WDR17: variants seen among roughly 807,000 people sequenced by gnomAD.
The protein encoded by WDR17 is WD repeat domain 17, also known as WD repeat-containing protein 17.
A neutral mutation model predicts 161.7 loss-of-function variants in WDR17; 143 were observed. That is an observed-to-expected ratio of 0.88 (90% CI 0.77 to 1.02). The LOEUF (loss-of-function observed/expected upper bound fraction) is 1.02, where lower values mean the gene tolerates loss of function less well. WDR17 is among the 50% of genes least tolerant of loss of function. WDR17 has a pLI of 0.00. For synonymous variants in WDR17, 517 were observed against 515.6 expected, an observed-to-expected ratio of 1.00 and a Z score of -0.04; for missense variants, 1,469 against 1,520.9, an observed-to-expected ratio of 0.97 and a Z score of 0.57.
At chr4:176,077,732 G>T (rs1734234645) in intron 1 of WDR17, among the ~76,000 whole-genome samples, 1 of 149,270 alleles carries the variant, frequency 6.7e-6, no homozygotes, top group Non-Finnish European at 1.5e-5. Flanking sequence ...ACTAGCTTCA[G>T]TGTTAAATTG....
At chr4:176,165,206 A>G (rs1749600493) in intron 22 of WDR17, among the ~76,000 whole-genome samples, 1 of 151,662 alleles carries the variant, frequency 6.6e-6, no homozygotes, top group Non-Finnish European at 1.5e-5. Context: ...ATACAAAAAT[A>G]AAAAATAAAA....
intron 1 of WDR17, among the ~76,000 whole-genome samples, chr4:176,079,854 G>A (rs1734516697): frequency 6.6e-6 from 1 of 152,008 alleles, no homozygotes; most frequent in Non-Finnish European, 1.5e-5. Flanking sequence ...GGGGGGGTGA[G>A]CATGCTAACA....
chr4:176,135,395 T>G, intron 8 of WDR17, 119 bp downstream of exon 8: 1 of 1,137,296 alleles, frequency 8.8e-7, no homozygotes, highest in Non-Finnish European at 1.3e-6. Context: ...GTAGAGCAAA[T>G]TAGTGTGAAC....
At chr4:176,143,571 C>T (rs977618045) in intron 11 of WDR17, among the ~76,000 whole-genome samples, 3 of 151,896 alleles carry the variant, frequency 2.0e-5, no homozygotes, top group East Asian at 1.9e-4. Flanking sequence ...CACAGCTCCT[C>T]GGGAGGCTGA....
intron 1 of WDR17, among the ~76,000 whole-genome samples, chr4:176,103,409 A>G (rs2126667108): frequency 6.6e-6 from 1 of 152,234 alleles, no homozygotes; most frequent in African/African-American, 2.4e-5. Flanking sequence ...AGGCCTAAAA[A>G]GAAACAGAAA....
At position 176,141,969 on chromosome 4, in the gene WDR17, A is replaced by G. The variant is rs377363075; in HGVS notation, c.1443-14A>G. ...AGTATTGTTTTTCTATTAACATATT[A>G]TAATTAATTCTAGTATTATTCGAAC... On this transcript the variant is annotated splice_polypyrimidine_tract_variant and intron_variant, in intron 10 of 28. Coordinates refer to ENST00000508596, the MANE Select transcript of WDR17 (RefSeq NM_181265.4). The G allele has an allele frequency of 1.9e-6, 3 of 1,541,986 alleles. No homozygotes were observed. The highest frequency in any genetic ancestry group is 1.4e-5 in the African/African-American group (1 of 72,814).
intron 21 of WDR17, among the ~76,000 whole-genome samples, chr4:176,162,571 A>G (rs979737551): frequency 6.6e-6 from 1 of 152,194 alleles, no homozygotes; most frequent in Admixed American, 6.5e-5. Flanking sequence ...CTTCAATTCT[A>G]AAATGAAAAT....
At chr4:176,083,789 C>A (rs963480366) in intron 1 of WDR17, among the ~76,000 whole-genome samples, 2 of 152,084 alleles carry the variant, frequency 1.3e-5, no homozygotes, top group African/African-American at 4.8e-5. Context: ...AGTTTACGTT[C>A]CCCTGAGCAG....
intron 7 of WDR17, 54 bp downstream of exon 7, chr4:176,131,792 T>C (rs1191489306): frequency 2.7e-5 from 35 of 1,294,068 alleles, no homozygotes; most frequent in Non-Finnish European, 3.4e-5. Context: ...TGTAAACCCA[T>C]GATCTTTACT....
intron 18 of WDR17, among the ~76,000 whole-genome samples, chr4:176,159,169 G>C (rs966598536): frequency 3.3e-5 from 5 of 151,968 alleles, no homozygotes; most frequent in Admixed American, 3.3e-4. Context: ...AATAGACCAG[G>C]TTATTTTTAA....
At chr4:176,155,781 T>G (rs1463128101) in intron 17 of WDR17, among the ~76,000 whole-genome samples, 1 of 149,394 alleles carries the variant, frequency 6.7e-6, no homozygotes, top group African/African-American at 2.5e-5. Context: ...CAGGCTAGTC[T>G]CAAACTCCTA....
At chr4:176,069,233 A>G (rs1221375871) in intron 1 of WDR17, among the ~76,000 whole-genome samples, 3 of 151,882 alleles carry the variant, frequency 2.0e-5, no homozygotes, top group African/African-American at 4.8e-5. Flanking sequence ...TCACATTATC[A>G]GCTACTTGAG....
intron 6 of WDR17, among the ~76,000 whole-genome samples, chr4:176,130,602 G>C (rs377059107): frequency 6.6e-6 from 1 of 151,870 alleles, no homozygotes; most frequent in Non-Finnish European, 1.5e-5. Context: ...AAAATTAGCC[G>C]GGCGTGGTGG....
chr4:176,068,429 A>T (rs980136594), intron 1 of WDR17: 18 of 152,118 alleles, frequency 1.2e-4, no homozygotes, highest in African/African-American at 3.4e-4. Context: ...GTGAAACCCC[A>T]TGTGTACTAA....
At chr4:176,165,130 C>T (rs574889970) in intron 22 of WDR17, among the ~76,000 whole-genome samples, 66 of 148,850 alleles carry the variant, frequency 4.4e-4, no homozygotes, top group Non-Finnish European at 8.6e-4. Flanking sequence ...AGTTCAAGAC[C>T]AGCCTGGCCA....
chr4:176,087,226 G>A (rs1735532766), intron 1 of WDR17, among the ~76,000 whole-genome samples: 2 of 151,064 alleles, frequency 1.3e-5, no homozygotes, highest in African/African-American at 2.4e-5. Flanking sequence ...TCTAGAATGG[G>A]TCTACTAGCA....
Position 176,163,150 on chromosome 4 carries a change from C to T in WDR17, c.2851-4C>T. The T allele has an allele frequency of 6.2e-7, 1 of 1,614,034 alleles. No individual in the cohort carries two copies. The highest frequency in any genetic ancestry group is 1.3e-5 in the African/African-American group (1 of 75,032). ...CTGAAGAAATTATTTTCTTATTGAG[C>T]AAGCTTGCTATGGCATACCTGATTC... is the stretch of plus-strand genomic sequence containing the variant. On this transcript the variant is annotated splice_polypyrimidine_tract_variant and splice_region_variant and intron_variant, in intron 21 of 28. Coordinates refer to ENST00000508596, the MANE Select transcript of WDR17 (RefSeq NM_181265.4).
Position 176,156,109 on chromosome 4 carries a change from GTC to G in WDR17, c.2495_2496del (p.Ser832CysfsTer13). The G allele has an allele frequency of 6.2e-7, 1 of 1,613,714 alleles. No homozygotes were observed. The highest frequency in any genetic ancestry group is 8.5e-7 in the Non-Finnish European group (1 of 1,179,820). Reference protein sequence around the residue: ...WDKALSIAPGVSVKYWKKLMQ... With the variant: ...WDKALSIAPGXSVKYWKKLMQ... ...CAAAGCCCTGTCAATTGCACCAGGA[GTC>G]TCTGTGAAATACTGGAAGAAGTTAA... On this transcript the variant is annotated frameshift_variant, in exon 18 of 29. Transcript: ENST00000508596. LOFTEE classifies it high-confidence loss of function.
chr4:176,095,984 G>A (rs75958674), intron 1 of WDR17, among the ~76,000 whole-genome samples: 39 of 152,158 alleles, frequency 2.6e-4, no homozygotes, highest in African/African-American at 8.9e-4. Flanking sequence ...TTTTTGACGG[G>A]TTAGGTGGTT....
Sources: gnomAD v4.1 joint callset for allele counts (sites outside exome capture counted in the v4.1 genomes callset) on GRCh38, gnomAD v4.1.1 for gene constraint, MANE v1.5 for transcripts, NCBI Gene and HGNC (gene_info 2026-07-23, HGNC 2026-07-21) for gene names.